The following FRMPD2 variants were observed in gnomAD, a reference collection of about 807,000 sequenced individuals.
The protein encoded by FRMPD2 is FERM and PDZ domain containing 2, also known as FERM and PDZ domain-containing protein 2.
Under a neutral mutation model 140.1 loss-of-function variants are expected in FRMPD2, and 96 were observed. That is an observed-to-expected ratio of 0.69 (90% CI 0.58 to 0.81). The LOEUF (loss-of-function observed/expected upper bound fraction) is 0.81, where lower values mean the gene tolerates loss of function less well. Ranked by LOEUF, FRMPD2 falls within the 40% of genes least tolerant of loss-of-function variation. The probability of loss-of-function intolerance (pLI) is 0.00; values close to 1 mark genes in which losing one functional copy is unlikely to be tolerated. For synonymous variants in FRMPD2, 449 were observed against 547.6 expected, an observed-to-expected ratio of 0.82 and a Z score of 2.52; for missense variants, 1,240 against 1,447.4, an observed-to-expected ratio of 0.86 and a Z score of 2.32.
rs934363904 is a variant in FRMPD2, at chr10:48,242,219, G to A, written c.509C>T (p.Ala170Val). ...CCTTCTGATGTGGAGACCAGCAGGG[G>A]CTGGGTAGACAGACACTTCTTTCTC... ...VHEKEVSVYP[A>V]PAGLHIRRLV... The change falls in exon 5 of 29, where the codon GCC becomes GTC. Residue 170 changes from alanine to valine, a missense_variant. Coordinates refer to ENST00000374201, the MANE Select transcript of FRMPD2 (RefSeq NM_001018071.4). The A allele has an allele frequency of 6.2e-6, 10 of 1,614,198 alleles. No homozygotes were observed. Among genetic ancestry groups the A allele is most frequent in the Admixed American group, 1.7e-5 (1 of 60,026 alleles).
intron 14 of FRMPD2, among the ~76,000 whole-genome samples, chr10:48,202,643 T>A (rs1031633740): frequency 6.6e-6 from 1 of 152,222 alleles, no homozygotes; most frequent in African/African-American, 2.4e-5. Flanking sequence ...TCGTAATAAT[T>A]CTTCTTTAGT....
At chr10:48,245,000 C>T (rs1840211820) in intron 3 of FRMPD2, 151 bp from the exon 4 acceptor site, 1 of 614,038 alleles carries the variant, frequency 1.6e-6, no homozygotes, top group Non-Finnish European at 2.9e-6. Context: ...TTGTTACCTC[C>T]TACTCCGGAG....
intron 1 of FRMPD2, among the ~76,000 whole-genome samples, chr10:48,271,636 GA>G (rs879544526): frequency 1.3e-4 from 20 of 150,460 alleles, no homozygotes; most frequent in Admixed American, 3.3e-4. Context: ...GCCAAGGCAA[GA>G]AAAAAAAAGG....
intron 15 of FRMPD2, among the ~76,000 whole-genome samples, chr10:48,197,043 CT>C (rs1838970872): frequency 6.6e-6 from 1 of 152,258 alleles, no homozygotes; most frequent in African/African-American, 2.4e-5. Flanking sequence ...CTCCAGCTCC[CT>C]GGAAATATCC....
intron 14 of FRMPD2, 75 bp from the exon 15 acceptor site, chr10:48,201,459 G>T: frequency 7.0e-7 from 1 of 1,429,794 alleles, no homozygotes; most frequent in South Asian, 1.3e-5. Context: ...GCAAGAAAAT[G>T]CTCGGTCCCT....
intron 10 of FRMPD2, among the ~76,000 whole-genome samples, chr10:48,225,981 G>A (rs964171808): frequency 6.6e-6 from 1 of 152,142 alleles, no homozygotes; most frequent in Non-Finnish European, 1.5e-5. Context: ...TTTCTGATGT[G>A]TACTCTTTTG....
Position 48,206,292 on chromosome 10 carries a change from G to A in FRMPD2, c.1797+456C>T, listed in dbSNP as rs551516130. Among the ~76,000 whole-genome samples, 16 of 152,332 alleles carry A rather than the reference G, an allele frequency of 1.1e-4. 1 individual carries two copies. In the South Asian group the frequency reaches 3.3e-3, roughly 32 times the overall value. On this transcript the variant is annotated intron_variant, in intron 14 of 28. Coordinates refer to ENST00000374201, the MANE Select transcript of FRMPD2 (RefSeq NM_001018071.4). The stretch of plus-strand genomic sequence containing the variant: ...AGCACACCTGTAGTCCTCAGAGACA[G>A]ACCAGAGGCCTTGGCACACTGCGTG...
At position 48,274,529 on chromosome 10, in the gene FRMPD2, A is replaced by G; in HGVS notation, c.25+14T>C. ...CAGATTTATAGGAGAAAACTGAATG[A>G]TGCCAAGGAATACCTGCGTCCTTCG... On this transcript the variant is annotated intron_variant, in intron 1 of 28. Transcript: ENST00000374201. The G allele has an allele frequency of 6.2e-7, 1 of 1,613,742 alleles. No individual in the cohort carries two copies. Among genetic ancestry groups the G allele is most frequent in the Non-Finnish European group, 8.5e-7 (1 of 1,179,602 alleles).
At chr10:48,239,354 G>A (rs959268006) in intron 7 of FRMPD2, among the ~76,000 whole-genome samples, 9 of 152,172 alleles carry the variant, frequency 5.9e-5, no homozygotes, top group Admixed American at 1.3e-4. Context: ...TTGTTGCTCC[G>A]CCACTCGGCC....
chr10:48,212,035 T>G lies in FRMPD2; in HGVS notation c.1530A>C (p.Leu510=), dbSNP rs190971610. ...PASLIERMTA[L]RVQVEVSEMH... The stretch of plus-strand genomic sequence containing the variant: ...TCTCTGAGACTTCAACCTGGACCCG[T>G]AGAGCGGTCATCCTCTCGATCAGAC... Residue 510 remains leucine (L), a synonymous_variant, in exon 13 of 29, where the codon CTA becomes CTC. Transcript: ENST00000374201. The G allele has an allele frequency of 6.2e-7, 1 of 1,614,092 alleles. No individual in the cohort carries two copies. The highest frequency in any genetic ancestry group is 8.5e-7 in the Non-Finnish European group (1 of 1,179,988).
chr10:48,193,675 C>T (rs769623504), intron 15 of FRMPD2, among the ~76,000 whole-genome samples: 4 of 152,154 alleles, frequency 2.6e-5, no homozygotes, highest in African/African-American at 9.7e-5. Context: ...TGACCATCTG[C>T]GCCTTGCTAA....
Position 48,201,249 on chromosome 10 carries a change from G to T in FRMPD2, c.1933C>A (p.Gln645Lys), listed in dbSNP as rs370791790. 6.8e-6 allele frequency: 11 copies of T among 1,610,842 alleles called. No homozygotes were observed. Among genetic ancestry groups the T allele is most frequent in the African/African-American group, 2.7e-5 (2 of 74,780 alleles). ...HGFNAQMGSG[Q>K]PSHVLFDHDK... The stretch of plus-strand genomic sequence containing the variant: ...TCACCAAATAAAACATGGGAAGGCT[G>T]CCCAGAGCCCATCTGTGCATTAAAC... Residue 645 changes from glutamine (Q) to lysine (K), a missense_variant, in exon 15 of 29, where the codon CAG becomes AAG. This residue lies in a region of FRMPD2 where 1,161 missense variants were observed against 1,055.9 expected (regional missense o/e 1.10). Coordinates refer to ENST00000374201, the MANE Select transcript of FRMPD2 (RefSeq NM_001018071.4).
intron 1 of FRMPD2, among the ~76,000 whole-genome samples, chr10:48,268,945 ACTTTTT>A (rs1259511666): frequency 6.6e-6 from 1 of 152,246 alleles, no homozygotes; most frequent in Non-Finnish European, 1.5e-5. Flanking sequence ...CTTCTTTGCA[ACTTTTT>A]ATCTGACCAT....
At chr10:48,243,948 T>C (rs1840184690) in intron 4 of FRMPD2, among the ~76,000 whole-genome samples, 1 of 152,224 alleles carries the variant, frequency 6.6e-6, no homozygotes, top group African/African-American at 2.4e-5. Flanking sequence ...TATTCTGTAG[T>C]TGAAAATTGT....
intron 12 of FRMPD2, among the ~76,000 whole-genome samples, chr10:48,216,733 T>G (rs1332721733): frequency 6.6e-6 from 1 of 152,188 alleles, no homozygotes; most frequent in African/African-American, 2.4e-5. Flanking sequence ...GATGATTATT[T>G]TCCATTTTGC....
intron 10 of FRMPD2, among the ~76,000 whole-genome samples, chr10:48,230,814 G>A (rs941898718): frequency 9.2e-5 from 14 of 152,104 alleles, no homozygotes; most frequent in Non-Finnish European, 1.8e-4. Context: ...TGTTCCTAAA[G>A]CCCTATAAAC....
rs192735556 is a variant in FRMPD2 at position 48,210,593 on chromosome 10, C to T, written c.1611+1361G>A. ...CTGTGGCTCTGTGACCACTCATTAT[C>T]AGATGGCTTTGAAGTCCCCACTGGT... On this transcript the variant is annotated intron_variant, in intron 13 of 28. Transcript: ENST00000374201. Among the ~76,000 whole-genome samples, 8 of 152,308 alleles carry T rather than the reference C, an allele frequency of 5.3e-5. No homozygotes were observed. The East Asian group carries it at 1.5e-3, about 29-fold the overall frequency.
intron 1 of FRMPD2, among the ~76,000 whole-genome samples, chr10:48,265,978 A>G (rs920898998): frequency 1.3e-5 from 2 of 152,358 alleles, no homozygotes; most frequent in South Asian, 2.1e-4. Context: ...ATGTCCATCA[A>G]TGGTAGACTG....
Position 48,239,636 on chromosome 10 carries a change from T to A in FRMPD2, c.757A>T (p.Thr253Ser). The change falls in exon 7 of 29, where the codon ACA (threonine) becomes TCA (serine). Residue 253 changes from threonine (T) to serine (S), a missense_variant. By Grantham distance (58) the Thr-to-Ser change is moderately conservative (BLOSUM62 1). Around this residue, in one of 6 missense-constraint regions of FRMPD2, gnomAD observed 1,161 missense variants for 1,055.9 expected, o/e 1.10. Coordinates refer to ENST00000374201, the MANE Select transcript of FRMPD2 (RefSeq NM_001018071.4). Reference protein sequence around the residue: ...SSPEPHWSTLTHSHCSLLVNR... With the variant: ...SSPEPHWSTLSHSHCSLLVNR... ...ACAAGGAGGCTGCAGTGACTGTGTG[T>A]CAAGGTGCTCCAATGGGGCTCTGGT... 6.2e-7 allele frequency: 1 copy of A among 1,614,168 alleles called. No homozygotes were observed. The highest frequency in any genetic ancestry group is 1.1e-5 in the South Asian group (1 of 91,068).
Sources: allele counts gnomAD v4.1 joint callset (sites outside exome capture counted in the v4.1 genomes callset), GRCh38; gene constraint gnomAD v4.1.1; regional missense constraint gnomAD v4.1.1; transcripts MANE v1.5; gene names NCBI Gene and HGNC (gene_info 2026-07-23, HGNC 2026-07-21).